SGMS1: variants seen among roughly 807,000 people sequenced by gnomAD.
SGMS1 encodes sphingomyelin synthase 1.
A neutral mutation model predicts 46.2 loss-of-function variants in SGMS1; 13 were observed. That is an observed-to-expected ratio of 0.28 (90% CI 0.18 to 0.45). The LOEUF is 0.45. Ranked by LOEUF, SGMS1 falls within the 20% of genes least tolerant of loss-of-function variation. The pLI is 1.00. For missense variants in SGMS1, 324 were observed against 519.9 expected (o/e 0.62, Z 3.66); for synonymous variants, 203 against 187.8 (o/e 1.08, Z -0.66).
rs113934826 is a variant in SGMS1, at chr10:50,425,720, G to A, written c.-232+7756C>T. 9.4e-3 allele frequency among the ~76,000 whole-genome samples: 1,428 copies of A among 152,220 alleles called. 25 individuals carry two copies. The highest frequency in any genetic ancestry group is 0.031 in the African/African-American group (1,303 of 41,526). On this transcript the variant is annotated intron_variant, in intron 6 of 10. Transcript: ENST00000361781. ...CAATCTACCCATGTAACAAACCTGC[G>A]AATGTACCCCGGGTCTAAAATAAAA... is the stretch of plus-strand genomic sequence containing the variant.
At chr10:50,360,771 A>G (rs752351170) in intron 6 of SGMS1, among the ~76,000 whole-genome samples, 1 of 152,158 alleles carries the variant, frequency 6.6e-6, no homozygotes, top group Non-Finnish European at 1.5e-5. Context: ...TTTCTATCAC[A>G]CAACACTCAC....
At chr10:50,360,786 T>G (rs757582998) in intron 6 of SGMS1, among the ~76,000 whole-genome samples, 42 of 152,184 alleles carry the variant, frequency 2.8e-4, no homozygotes, top group South Asian at 4.1e-4. Flanking sequence ...ACTCACTTCC[T>G]TTCCCTTCTT....
chr10:50,321,947 A>C (rs188348243), intron 8 of SGMS1, among the ~76,000 whole-genome samples: 14 of 152,338 alleles, frequency 9.2e-5, no homozygotes, highest in Admixed American at 3.3e-4. Flanking sequence ...AGGTGGTTTC[A>C]TCTTTCTAAT....
intron 6 of SGMS1, among the ~76,000 whole-genome samples, chr10:50,409,174 T>C (rs954230526): frequency 6.6e-6 from 1 of 152,194 alleles, no homozygotes; most frequent in Non-Finnish European, 1.5e-5. Flanking sequence ...TTTGCATGCA[T>C]AGACTGTGAT....
At chr10:50,436,111 A>T (rs1424443334) in intron 5 of SGMS1, among the ~76,000 whole-genome samples, 1 of 151,734 alleles carries the variant, frequency 6.6e-6, no homozygotes, top group South Asian at 2.1e-4. Context: ...TCAACAACCA[A>T]CTTTTTTTTT....
intron 3 of SGMS1, chr10:50,473,871 C>A (rs1431032781): frequency 6.6e-6 from 1 of 152,206 alleles, no homozygotes; most frequent in Non-Finnish European, 1.5e-5. Flanking sequence ...CAAAGAGAGC[C>A]ATTCAGAAGC....
chr10:50,595,229 G>A (rs548459353), intron 1 of SGMS1, among the ~76,000 whole-genome samples: 72 of 151,820 alleles, frequency 4.7e-4, no homozygotes, highest in African/African-American at 1.5e-3. Context: ...AGGCTGGAGT[G>A]CAGTAGCACG....
chr10:50,329,399 G>A (rs1847580994), intron 7 of SGMS1, among the ~76,000 whole-genome samples: 1 of 152,170 alleles, frequency 6.6e-6, no homozygotes, highest in Non-Finnish European at 1.5e-5. Context: ...ATTTCCATGT[G>A]AAACTGTCAA....
intron 6 of SGMS1, among the ~76,000 whole-genome samples, chr10:50,348,743 AAAGT>A (rs1336893286): frequency 5.3e-5 from 8 of 152,230 alleles, no homozygotes; most frequent in African/African-American, 1.9e-4. Flanking sequence ...CATACTGCCC[AAAGT>A]AATTTATAGC....
chr10:50,411,218 T>TACAC (rs1242960949), intron 6 of SGMS1, among the ~76,000 whole-genome samples: 1 of 152,222 alleles, frequency 6.6e-6, no homozygotes, highest in Non-Finnish European at 1.5e-5. Context: ...ACTCTGTATT[T>TACAC]AAAGAATTCA....
chr10:50,531,054 T>C (rs1837948759), intron 2 of SGMS1, among the ~76,000 whole-genome samples: 1 of 152,204 alleles, frequency 6.6e-6, no homozygotes, highest in South Asian at 2.1e-4. Context: ...TGTGGTCTTT[T>C]ATACAGGACA....
At chr10:50,491,485 T>C (rs1486687561) in intron 3 of SGMS1, among the ~76,000 whole-genome samples, 1 of 152,242 alleles carries the variant, frequency 6.6e-6, no homozygotes, top group Non-Finnish European at 1.5e-5. Flanking sequence ...ATGCTCATCA[T>C]GGTTGCCTAC....
At chr10:50,338,257 C>G (rs1847750045) in intron 7 of SGMS1, among the ~76,000 whole-genome samples, 1 of 152,284 alleles carries the variant, frequency 6.6e-6, no homozygotes, top group African/African-American at 2.4e-5. Flanking sequence ...TGACCCCAAC[C>G]CATAACCCAA....
At chr10:50,418,398 G>A (rs1027432303) in intron 6 of SGMS1, 1 of 152,412 alleles carries the variant, frequency 6.6e-6, no homozygotes, top group African/African-American at 2.4e-5. Flanking sequence ...GAGGCTCCAA[G>A]AGCGGGGTTG....
At chr10:50,515,728 C>A (rs950681881) in intron 3 of SGMS1, among the ~76,000 whole-genome samples, 1 of 152,144 alleles carries the variant, frequency 6.6e-6, no homozygotes, top group African/African-American at 2.4e-5. Flanking sequence ...AGCTTTCCAA[C>A]CATTTGGAAA....
chr10:50,592,276 A>C (rs1430512409), intron 1 of SGMS1, among the ~76,000 whole-genome samples: 8 of 152,246 alleles, frequency 5.3e-5, no homozygotes, highest in African/African-American at 1.9e-4. Flanking sequence ...AAATGAATCA[A>C]TAATTTAAAA....
Position 50,357,741 on chromosome 10 carries a change from C to T in SGMS1, c.-231-13396G>A, listed in dbSNP as rs150765148. Among the ~76,000 whole-genome samples, 445 of 152,122 alleles carry T rather than the reference C, an allele frequency of 2.9e-3. 3 individuals carry two copies. The highest frequency in any genetic ancestry group is 0.01 in the African/African-American group (422 of 41,488). ...TGAATATAATTTATTCTTTCCTTGACGATTCGATGGACTTTTAAAATGAAT... is the reference window on the plus strand; with the variant it reads ...TGAATATAATTTATTCTTTCCTTGATGATTCGATGGACTTTTAAAATGAAT... On this transcript the variant is annotated intron_variant, in intron 6 of 10. Coordinates refer to ENST00000361781, the MANE Select transcript of SGMS1 (RefSeq NM_147156.4).
At chr10:50,357,009 G>A (rs1848164084) in intron 6 of SGMS1, among the ~76,000 whole-genome samples, 2 of 151,654 alleles carry the variant, frequency 1.3e-5, no homozygotes, top group Admixed American at 6.6e-5. Flanking sequence ...CACCAACATG[G>A]CACATGTATA....
At chr10:50,605,114 C>G (rs1391236637) in intron 1 of SGMS1, among the ~76,000 whole-genome samples, 1 of 144,488 alleles carries the variant, frequency 6.9e-6, no homozygotes, top group African/African-American at 2.6e-5. Context: ...ACAGACATGT[C>G]ACTGCAAGAT....
Sources: gnomAD v4.1 joint callset for allele counts (sites outside exome capture counted in the v4.1 genomes callset) on GRCh38, gnomAD v4.1.1 for gene constraint, MANE v1.5 for transcripts, NCBI Gene and HGNC (gene_info 2026-07-23, HGNC 2026-07-21) for gene names.